The following GRIK1 variants were observed in gnomAD, a reference collection of about 807,000 sequenced individuals.
GRIK1 encodes glutamate receptor ionotropic, kainate 1.
Under a neutral mutation model 105.7 loss-of-function variants are expected in GRIK1, and 69 were observed. The observed-to-expected ratio is 0.65, with a 90% CI of 0.54 to 0.80. The LOEUF (loss-of-function observed/expected upper bound fraction) is 0.80, where lower values mean the gene tolerates loss of function less well. GRIK1 is among the 30% of genes least tolerant of loss of function. GRIK1 has a pLI of 0.00. For missense variants in GRIK1, 1,109 were observed against 1,167.3 expected (o/e 0.95, Z 0.73); for synonymous variants, 438 against 431.3 (o/e 1.02, Z -0.19).
intron 1 of GRIK1, among the ~76,000 whole-genome samples, chr21:29,924,171 C>G (rs943762068): frequency 2.0e-5 from 3 of 151,728 alleles, no homozygotes; most frequent in Admixed American, 6.6e-5. Flanking sequence ...AACGCCATCT[C>G]TACTAAATAT....
At chr21:29,895,055 A>G (rs1222845380) in intron 1 of GRIK1, among the ~76,000 whole-genome samples, 1 of 152,192 alleles carries the variant, frequency 6.6e-6, no homozygotes, top group Non-Finnish European at 1.5e-5. Context: ...ATACGGATCT[A>G]ATAGTGGTGG....
chr21:29,629,221 T>TGTGGGG (rs1027167396), intron 7 of GRIK1, among the ~76,000 whole-genome samples: 1 of 150,836 alleles, frequency 6.6e-6, no homozygotes, highest in African/African-American at 2.5e-5. Context: ...TGTGTGTGTG[T>TGTGGGG]GTGTGTGTGT....
At chr21:29,703,149 A>G (rs2063844238) in intron 1 of GRIK1, among the ~76,000 whole-genome samples, 1 of 152,230 alleles carries the variant, frequency 6.6e-6, no homozygotes, top group Non-Finnish European at 1.5e-5. Flanking sequence ...TATGTTTATG[A>G]TATTTTCCTA....
Position 29,632,124 on chromosome 21 carries a change from T to A in GRIK1, c.1098+10702A>T, listed in dbSNP as rs576883498. On this transcript the variant is annotated intron_variant, in intron 7 of 17. Coordinates refer to ENST00000327783, the MANE Select transcript of GRIK1 (RefSeq NM_001330994.2). ...TGCATGCTTTGCTCCCTATTTTCTT[T>A]CAGAGATTTATTCAAGTTCCATGTT... Among the ~76,000 whole-genome samples, 81 of 152,318 alleles carry A rather than the reference T, an allele frequency of 5.3e-4. 1 individual carries two copies. The highest frequency in any genetic ancestry group is 1.9e-3 in the African/African-American group (77 of 41,582).
intron 7 of GRIK1, among the ~76,000 whole-genome samples, chr21:29,634,820 G>A (rs141703716): frequency 2.0e-5 from 3 of 152,166 alleles, no homozygotes; most frequent in African/African-American, 7.2e-5. Context: ...GTGTTATTAG[G>A]CAGGTTTAGT....
intron 1 of GRIK1, among the ~76,000 whole-genome samples, chr21:29,752,485 A>G (rs1400513455): frequency 6.6e-6 from 1 of 152,220 alleles, no homozygotes; most frequent in Non-Finnish European, 1.5e-5. Flanking sequence ...GGATGAGACC[A>G]AATGGCCAGA....
chr21:29,640,025 C>A (rs1452646162), intron 7 of GRIK1, among the ~76,000 whole-genome samples: 2 of 152,096 alleles, frequency 1.3e-5, no homozygotes, highest in Admixed American at 1.3e-4. Context: ...GCACATGCAA[C>A]AACCTCTGCT....
Position 29,879,034 on chromosome 21 carries a change from C to T in GRIK1, c.118+60349G>A, listed in dbSNP as rs34090364. 5.1e-3 allele frequency among the ~76,000 whole-genome samples: 778 copies of T among 152,196 alleles called. 4 individuals are homozygous for T. Among genetic ancestry groups the T allele is most frequent in the Non-Finnish European group, 7.9e-3 (535 of 67,988 alleles). ...GCAGCTCGATTAACTAAGACAGCCA[C>T]TCAATGGTTGAAAGAGGAGCAGGAC... On this transcript the variant is annotated intron_variant, in intron 1 of 17. Coordinates refer to ENST00000327783, the MANE Select transcript of GRIK1 (RefSeq NM_001330994.2).
chr21:29,768,514 T>C (rs1196236078), intron 1 of GRIK1, among the ~76,000 whole-genome samples: 2 of 152,186 alleles, frequency 1.3e-5, no homozygotes, highest in African/African-American at 2.4e-5. Context: ...TTCTGAATGG[T>C]GTCTCAGAAC....
In GRIK1 at chr21:29,587,396, C is replaced by G. The variant is rs1471653503; in HGVS notation, c.1763G>C (p.Gly588Ala). Reference sequence around the variant, plus strand: ...AATCACAAAGAGTACACAGCTGACTCCCAAGCAGGCTAAGAGCACATACAT... The same window carrying G: ...AATCACAAAGAGTACACAGCTGACTGCCAAGCAGGCTAAGAGCACATACAT... ...IWMYVLLACLGVSCVLFVIAR... is the reference protein window; with the variant it reads ...IWMYVLLACLAVSCVLFVIAR... The change falls in exon 12 of 18, where the codon GGA becomes GCA. Residue 588 changes from glycine to alanine, a missense_variant. Physicochemically the swap from Gly to Ala is moderately conservative, Grantham distance 60. Coordinates refer to ENST00000327783, the MANE Select transcript of GRIK1 (RefSeq NM_001330994.2). The G allele has an allele frequency of 6.2e-7, 1 of 1,613,056 alleles. No homozygotes were observed. The highest frequency in any genetic ancestry group is 1.7e-5 in the Admixed American group (1 of 60,014).
At chr21:29,537,656 C>T (rs908209754) in intron 17 of GRIK1, 142 bp downstream of exon 17, 1 of 739,366 alleles carries the variant, frequency 1.4e-6, no homozygotes, top group South Asian at 1.5e-5. Context: ...AAACTCAGGG[C>T]TCTCAAAATA....
Position 29,560,400 on chromosome 21 carries a change from C to CCTTTCTTT in GRIK1, c.2356+1216_2356+1223dup, listed in dbSNP as rs1167564962. 5.1e-3 allele frequency among the ~76,000 whole-genome samples: 341 copies of CCTTTCTTT among 67,040 alleles called. 27 individuals are homozygous for CCTTTCTTT. The highest frequency in any genetic ancestry group is 0.012 in the Admixed American group (80 of 6,644). 44.0% of individuals were successfully genotyped at this position (67,040 alleles called of 152,430 possible). A position where few individuals can be genotyped will look rare whatever the true frequency, so the allele number is the denominator to read the frequency against. ...TCCTTCCTTCCTTCCTTCCTTCCTT[C>CCTTTCTTT]CTTTCTTTCTTTCTTTCTTTCTTTC... On this transcript the variant is annotated intron_variant, in intron 15 of 17. Transcript: ENST00000327783.
intron 17 of GRIK1, 39 bp downstream of exon 17, chr21:29,537,759 A>G (rs762062140): frequency 3.0e-5 from 28 of 922,088 alleles, no homozygotes; most frequent in East Asian, 4.8e-5. Context: ...TTATCAAGGC[A>G]TACGGACACT....
At chr21:29,663,229 G>T (rs1424330567) in intron 4 of GRIK1, among the ~76,000 whole-genome samples, 2 of 152,110 alleles carry the variant, frequency 1.3e-5, no homozygotes, top group Non-Finnish European at 2.9e-5. Context: ...TTAATAATTT[G>T]CACAAAATTC....
intron 14 of GRIK1, 78 bp from the exon 15 acceptor site, chr21:29,561,927 G>A (rs1306784887): frequency 2.6e-6 from 2 of 779,510 alleles, no homozygotes; most frequent in East Asian, 5.3e-5. Flanking sequence ...AGTCCCAATG[G>A]TTCAAATAAT....
intron 1 of GRIK1, among the ~76,000 whole-genome samples, chr21:29,928,436 T>A (rs908676644): frequency 2.0e-5 from 3 of 152,022 alleles, no homozygotes; most frequent in African/African-American, 7.3e-5. Flanking sequence ...ATCCCTTAGA[T>A]CTGGAGAAAA....
intron 1 of GRIK1, among the ~76,000 whole-genome samples, chr21:29,819,923 G>A (rs2067252814): frequency 6.6e-6 from 1 of 151,968 alleles, no homozygotes; most frequent in Non-Finnish European, 1.5e-5. Flanking sequence ...TGTTCAAATA[G>A]TAGCTTACAC....
At position 29,710,182 on chromosome 21, in the gene GRIK1, A is replaced by T. The variant is rs143005123; in HGVS notation, c.119-16119T>A. On this transcript the variant is annotated intron_variant, in intron 1 of 17. Transcript: ENST00000327783. ...TAATAAGTTATTTCATATGAATACTATTCTTTATATTAACTCATCCTGGCA... is the reference window on the plus strand; with the variant it reads ...TAATAAGTTATTTCATATGAATACTTTTCTTTATATTAACTCATCCTGGCA... 5.7e-4 allele frequency among the ~76,000 whole-genome samples: 87 copies of T among 152,144 alleles called. 1 individual carries two copies. In the East Asian group the frequency reaches 0.016, roughly 28 times the overall value.
chr21:29,626,158 C>A (rs1264466837), intron 7 of GRIK1, among the ~76,000 whole-genome samples: 2 of 152,052 alleles, frequency 1.3e-5, no homozygotes, highest in Non-Finnish European at 2.9e-5. Context: ...CATTAAGGTG[C>A]CAGCATCTGG....
Sources: allele counts gnomAD v4.1 joint callset (sites outside exome capture counted in the v4.1 genomes callset), GRCh38; gene constraint gnomAD v4.1.1; transcripts MANE v1.5; gene names NCBI Gene and HGNC (gene_info 2026-07-23, HGNC 2026-07-21).